GNB1: variants seen among roughly 807,000 people sequenced by gnomAD.
GNB1 encodes the protein guanine nucleotide-binding protein G(I)/G(S)/G(T) subunit beta-1.
A neutral mutation model predicts 42.9 loss-of-function variants in GNB1; 2 were observed. The observed-to-expected ratio is 0.05, with a 90% CI of 0.02 to 0.15. The LOEUF (loss-of-function observed/expected upper bound fraction) is 0.15, where lower values mean the gene tolerates loss of function less well. Ranked by LOEUF, GNB1 falls within the 10% of genes least tolerant of loss-of-function variation. The pLI is 1.00. For synonymous variants in GNB1, 183 were observed against 174.7 expected (o/e 1.05, Z -0.38); for missense variants, 193 against 462.2 (o/e 0.42, Z 5.34).
chr1:1,825,634 G>A (rs1225014772), intron 2 of GNB1, 135 bp from the exon 3 acceptor site: 5 of 578,718 alleles, frequency 8.6e-6, no homozygotes, highest in Admixed American at 2.6e-5. Flanking sequence ...GGAGGCCGAG[G>A]CGGGCAGATC....
intron 7 of GNB1, among the ~76,000 whole-genome samples, chr1:1,797,030 C>G (rs1420194424): frequency 6.6e-6 from 1 of 152,132 alleles, no homozygotes; most frequent in Non-Finnish European, 1.5e-5. Context: ...CTGGGAAGAG[C>G]ACAGCATGGG....
intron 4 of GNB1, among the ~76,000 whole-genome samples, chr1:1,816,175 A>T (rs1646852485): frequency 6.6e-6 from 1 of 152,146 alleles, no homozygotes; most frequent in Admixed American, 6.5e-5. Context: ...ATCCAGGACC[A>T]TCTCCTCCTA....
intron 5 of GNB1, among the ~76,000 whole-genome samples, chr1:1,808,639 TG>T (rs1296356216): frequency 5.0e-5 from 7 of 140,410 alleles, no homozygotes; most frequent in Non-Finnish European, 1.1e-4. Flanking sequence ...TTTGTTTGTT[TG>T]TTTTTGTTTG....
chr1:1,800,707 C>A (rs184655790), intron 7 of GNB1, among the ~76,000 whole-genome samples: 1 of 148,568 alleles, frequency 6.7e-6, no homozygotes, highest in Admixed American at 6.7e-5. Flanking sequence ...AAAATCACAC[C>A]GAGGCACCTA....
chr1:1,856,914 G>A (rs1372193198), intron 1 of GNB1, among the ~76,000 whole-genome samples: 6 of 152,178 alleles, frequency 3.9e-5, no homozygotes, highest in Admixed American at 2.6e-4. Context: ...CTCTTCTGAG[G>A]GAAGTATCCT....
intron 8 of GNB1, among the ~76,000 whole-genome samples, chr1:1,792,246 T>C (rs1407790777): frequency 6.6e-6 from 1 of 152,222 alleles, no homozygotes; most frequent in Non-Finnish European, 1.5e-5. Flanking sequence ...GTGACGTCTG[T>C]TATTTTTAGT....
At chr1:1,810,978 CTTTA>C (rs967244378) in intron 5 of GNB1, among the ~76,000 whole-genome samples, 2 of 150,560 alleles carry the variant, frequency 1.3e-5, no homozygotes, top group African/African-American at 4.9e-5. Flanking sequence ...TCTCATGTAG[CTTTA>C]TTTGTGTTTT....
intron 1 of GNB1, among the ~76,000 whole-genome samples, chr1:1,849,973 A>G (rs1211580801): frequency 1.3e-5 from 2 of 148,766 alleles, no homozygotes; most frequent in Non-Finnish European, 3.0e-5. Context: ...ACTACTCAAC[A>G]CTTTTTTTTT....
intron 1 of GNB1, among the ~76,000 whole-genome samples, chr1:1,844,815 C>T (rs1031723660): frequency 4.6e-5 from 7 of 152,122 alleles, no homozygotes; most frequent in Admixed American, 4.6e-4. Flanking sequence ...AAAGCCTTGC[C>T]GTAAGTGTGG....
At position 1,793,457 on chromosome 1, in the gene GNB1, G is replaced by A. The variant is rs1285506927; in HGVS notation, c.431-146C>T. The stretch of plus-strand genomic sequence containing the variant: ...CTAGTGACCTTTTATTCCCATCTGT[G>A]CACACAGCAGAAGGTCCACACGCAC... On this transcript the variant is annotated intron_variant, in intron 7 of 11. Coordinates refer to ENST00000378609, the MANE Select transcript of GNB1 (RefSeq NM_002074.5). 2.4e-5 allele frequency: 14 copies of A among 578,646 alleles called. No homozygotes were observed. In the East Asian group the frequency reaches 4.1e-4, roughly 17 times the overall value. 35.8% of individuals were successfully genotyped at this position (578,646 alleles called of 1,614,324 possible).
intron 2 of GNB1, among the ~76,000 whole-genome samples, chr1:1,836,437 G>C (rs1647151533): frequency 7.1e-6 from 1 of 141,380 alleles, no homozygotes; most frequent in Non-Finnish European, 1.5e-5. Flanking sequence ...TGTTGTCCAG[G>C]CTGGAGTACA....
chr1:1,821,828 T>C (rs1337306578), intron 3 of GNB1, among the ~76,000 whole-genome samples: 2 of 152,228 alleles, frequency 1.3e-5, no homozygotes, highest in African/African-American at 2.4e-5. Flanking sequence ...AATAATATTT[T>C]AGATATACTG....
intron 10 of GNB1, chr1:1,788,751 G>A: frequency 3.2e-6 from 1 of 313,418 alleles, no homozygotes; most frequent in African/African-American, 2.0e-5. Flanking sequence ...TCCCCCTGAA[G>A]CAGAGTTCAG....
rs1340140971 is a variant in GNB1, at chr1:1,786,823, G to A, written c.*240C>T. On this transcript the variant is annotated 3_prime_UTR_variant, in exon 12 of 12. Coordinates refer to ENST00000378609, the MANE Select transcript of GNB1 (RefSeq NM_002074.5). The stretch of plus-strand genomic sequence containing the variant: ...TCAAGACAAAAAAGAAAACAAAGAC[G>A]ATGGCCCCGGAAGGAATGCACAATT... The A allele has an allele frequency of 1.3e-5, 2 of 152,588 alleles. No homozygotes were observed. Among genetic ancestry groups the A allele is most frequent in the African/African-American group, 4.8e-5 (2 of 41,440 alleles). 9.5% of individuals were successfully genotyped at this position (152,588 alleles called of 1,614,324 possible).
chr1:1,864,415 C>T (rs1235263988), intron 1 of GNB1, among the ~76,000 whole-genome samples: 3 of 150,832 alleles, frequency 2.0e-5, no homozygotes, highest in African/African-American at 4.9e-5. Flanking sequence ...ACTTCTGGCT[C>T]ATAGCATAGG....
At chr1:1,855,919 G>A (rs943529379) in intron 1 of GNB1, among the ~76,000 whole-genome samples, 1 of 152,236 alleles carries the variant, frequency 6.6e-6, no homozygotes, top group Non-Finnish European at 1.5e-5. Flanking sequence ...TCTGGGGAAG[G>A]TGATAAGCAG....
intron 5 of GNB1, among the ~76,000 whole-genome samples, chr1:1,811,254 A>G (rs1646774793): frequency 6.6e-6 from 1 of 151,406 alleles, no homozygotes; most frequent in Non-Finnish European, 1.5e-5. Flanking sequence ...CACCTGGCTA[A>G]TTTTTGTATT....
chr1:1,858,966 G>C (rs1648454541), intron 1 of GNB1, among the ~76,000 whole-genome samples: 1 of 152,042 alleles, frequency 6.6e-6, no homozygotes, highest in Non-Finnish European at 1.5e-5. Flanking sequence ...CAACCCATTA[G>C]TAATTGTGGC....
chr1:1,809,830 T>A (rs1275124550), intron 5 of GNB1, among the ~76,000 whole-genome samples: 1 of 152,114 alleles, frequency 6.6e-6, no homozygotes, highest in African/African-American at 2.4e-5. Flanking sequence ...AAATCAATTA[T>A]CTGAGGTGCC....
Sources: gnomAD v4.1 joint callset for allele counts (sites outside exome capture counted in the v4.1 genomes callset) on GRCh38, gnomAD v4.1.1 for gene constraint, MANE v1.5 for transcripts, NCBI Gene and HGNC (gene_info 2026-07-23, HGNC 2026-07-21) for gene names.